The following IGSF9 variants were observed in gnomAD, a reference collection of about 807,000 sequenced individuals.
IGSF9 encodes protein turtle homolog A.
IGSF9 carries 87 observed loss-of-function variants against 121.7 expected under a neutral mutation model. The observed-to-expected ratio is 0.71, with a 90% confidence interval of 0.60 to 0.85. IGSF9 has a LOEUF of 0.85. Among genes scored for constraint, IGSF9 ranks in the 40% least tolerant of loss-of-function variants. The pLI is 0.00. For missense variants in IGSF9, 1,462 were observed against 1,565.3 expected (o/e 0.93, Z 1.11); for synonymous variants, 640 against 648.4 (o/e 0.99, Z 0.20).
rs768350903 is a variant in IGSF9 at position 159,930,698 on chromosome 1, G to C, written c.1807C>G (p.Pro603Ala). The change falls in exon 14 of 21, where the codon CCG (proline) becomes GCG (alanine). Residue 603 changes from proline to alanine, a missense_variant. Around this residue, in one of 3 missense-constraint regions of IGSF9, gnomAD observed 808 missense variants for 815.2 expected, o/e 0.99. Coordinates refer to ENST00000368094, the MANE Select transcript of IGSF9 (RefSeq NM_001135050.2). ...GGGACGAGAAGCTTCTCACCTTCCG[G>C]AGCAGACAAGACGATTTCGCTGAAG... is the stretch of plus-strand genomic sequence containing the variant. ...GPFSEIVLSA[P>A]EGLPTTPAAP... is the part of the protein sequence containing the mutation. 1.4e-5 allele frequency: 23 copies of C among 1,614,024 alleles called. No homozygotes were observed. In the South Asian group the frequency reaches 2.3e-4, roughly 16 times the overall value.
chr1:159,937,034 T>G, intron 4 of IGSF9, 126 bp from the exon 5 acceptor site: 1 of 931,964 alleles, frequency 1.1e-6, no homozygotes. Context: ...CTCATAGGAG[T>G]CCTCAGCCCA....
chr1:159,928,221 C>G lies in IGSF9; in HGVS notation c.3167G>C (p.Ser1056Thr). 1 of 1,613,002 alleles carries G rather than the reference C, an allele frequency of 6.2e-7. No homozygotes were observed. The highest frequency in any genetic ancestry group is 8.5e-7 in the Non-Finnish European group (1 of 1,179,906). The change falls in exon 19 of 21, where the codon AGC becomes ACC. Residue 1056 changes from serine (S) to threonine (T), a missense_variant. Physicochemically the swap from Ser to Thr is moderately conservative, Grantham distance 58. This residue lies in a region of IGSF9 where 808 missense variants were observed against 815.2 expected (regional missense o/e 0.99). Transcript: ENST00000368094. ...TCTCTCAGGGCCACTGGCCCAGCTG[C>G]TGGTGTCTCCTGGAGCAGGGCTGAG... The part of the protein sequence containing the change: ...SYLSPAPGDT[S>T]SWASGPERWP...
intron 6 of IGSF9, 104 bp downstream of exon 6, chr1:159,936,295 C>T: frequency 2.0e-6 from 2 of 1,024,482 alleles, no homozygotes; most frequent in Non-Finnish European, 3.0e-6. Flanking sequence ...GCCCTGCCCT[C>T]AGGCACAAAT....
intron 9 of IGSF9, chr1:159,933,237 C>A (rs1421929966): frequency 6.5e-6 from 1 of 152,826 alleles, no homozygotes; most frequent in Non-Finnish European, 1.5e-5. Context: ...TGTCCAGTAT[C>A]TCCCGCTACA....
At chr1:159,929,487 C>T in intron 17 of IGSF9, 94 bp from the exon 18 acceptor site, 1 of 1,529,924 alleles carries the variant, frequency 6.5e-7, no homozygotes, top group East Asian at 2.3e-5. Context: ...CCAACCCCAT[C>T]CGGCTGGGAA....
chr1:159,928,666 G>T lies in IGSF9; in HGVS notation c.2722C>A (p.Pro908Thr), dbSNP rs567336037. ...GGACTGGGTGGGGCTGCTGGAGGGG[G>T]TGCCACAGGGCTGATGTCTTCAATG... Reference protein sequence around the residue: ...LCIEDISPVAPPPAAPPSPLP... With the variant: ...LCIEDISPVATPPAAPPSPLP... Residue 908 changes from proline (P) to threonine (T), a missense_variant, in exon 19 of 21, where the codon CCC becomes ACC. Around this residue, in one of 3 missense-constraint regions of IGSF9, gnomAD observed 808 missense variants for 815.2 expected, o/e 0.99. Transcript: ENST00000368094. 1.9e-5 allele frequency: 28 copies of T among 1,477,592 alleles called. No individual in the cohort carries two copies. In the South Asian group the frequency reaches 3.8e-4, roughly 20 times the overall value. 91.5% of individuals were successfully genotyped at this position (1,477,592 alleles called of 1,614,324 possible). A position where few individuals can be genotyped will look rare whatever the true frequency, so the allele number is the denominator to read the frequency against.
rs970250853 is a variant in IGSF9, at chr1:159,943,077, G to A, written c.133C>T (p.Pro45Ser). ...TGCAGGGGGGGCCGGCCGGCCGGGG[G>A]CAGCAGGTCACAGCCCAGCACCACA... ...ESVVLGCDLLPPAGRPPLHVI... is the reference protein window; with the variant it reads ...ESVVLGCDLLSPAGRPPLHVI... The change falls in exon 3 of 21, where the codon CCC (proline) becomes TCC (serine). Residue 45 changes from proline (P) to serine (S), a missense_variant. Transcript: ENST00000368094. The A allele has an allele frequency of 3.7e-6, 6 of 1,612,754 alleles. No individual in the cohort carries two copies. The highest frequency in any genetic ancestry group is 1.3e-5 in the African/African-American group (1 of 74,950).
chr1:159,937,579 T>C, intron 4 of IGSF9, 107 bp downstream of exon 4: 1 of 1,319,376 alleles, frequency 7.6e-7, no homozygotes. Flanking sequence ...ATCAGAGCTG[T>C]TTGTGGGATG....
intron 3 of IGSF9, among the ~76,000 whole-genome samples, chr1:159,938,432 C>T (rs961974423): frequency 2.0e-5 from 3 of 152,216 alleles, no homozygotes; most frequent in African/African-American, 7.2e-5. Context: ...CCTCTCCATG[C>T]CCCGGGGCAC....
chr1:159,937,850 G>C lies in IGSF9; in HGVS notation c.248-12C>G. 6.2e-7 allele frequency: 1 copy of C among 1,611,624 alleles called. No individual in the cohort carries two copies. The highest frequency in any genetic ancestry group is 8.5e-7 in the Non-Finnish European group (1 of 1,178,822). ...CAGCCGGACTCGTCCTGGGGGAGGAGCCCTGAATCAAGGGTGCTGAAGGAA... is the reference window on the plus strand; with the variant it reads ...CAGCCGGACTCGTCCTGGGGGAGGACCCCTGAATCAAGGGTGCTGAAGGAA... On this transcript the variant is annotated splice_polypyrimidine_tract_variant and intron_variant, in intron 3 of 20. Transcript: ENST00000368094.
At chr1:159,929,565 C>G (rs1341692912) in intron 17 of IGSF9, 73 bp downstream of exon 17, 7 of 1,515,290 alleles carry the variant, frequency 4.6e-6, no homozygotes, top group Non-Finnish European at 5.3e-6. Flanking sequence ...GAGGGCTTTT[C>G]CCCCAGGTAG....
In IGSF9 at chr1:159,937,772, C is replaced by A; in HGVS notation, c.314G>T (p.Trp105Leu). ...IEGLRVEDQGWYECRVFFLDQ... is the reference protein window; with the variant it reads ...IEGLRVEDQGLYECRVFFLDQ... The stretch of plus-strand genomic sequence containing the variant: ...CAGGAAGAACACGCGGCACTCGTAC[C>A]AGCCCTGGTCTTCCACCCGGAGACC... The change falls in exon 4 of 21, where the codon TGG (tryptophan) becomes TTG (leucine). Residue 105 changes from tryptophan to leucine, a missense_variant. By Grantham distance (61) the Trp-to-Leu change is moderately conservative. This residue lies in a region of IGSF9 where 558 missense variants were observed against 599.4 expected (regional missense o/e 0.93). Transcript: ENST00000368094. 1 of 1,614,126 alleles carries A rather than the reference C, an allele frequency of 6.2e-7. No individual in the cohort carries two copies. Among genetic ancestry groups the A allele is most frequent in the Non-Finnish European group, 8.5e-7 (1 of 1,179,980 alleles).
chr1:159,932,827 G>A lies in IGSF9; in HGVS notation c.1105-175C>T, dbSNP rs1447040619. ...TCCAGTGCTTCCTTTCCTTCCTGCA[G>A]AGGGACCCCTCCCAATAGTGTGAGG... On this transcript the variant is annotated intron_variant, in intron 9 of 20. Transcript: ENST00000368094. This position sits in a 1 kb window ranked among gnomAD's most constrained non-coding sequence, Gnocchi z 4.1. The A allele has an allele frequency of 4.9e-6, 3 of 616,216 alleles. No homozygotes were observed. Among genetic ancestry groups the A allele is most frequent in the Admixed American group, 3.2e-5 (1 of 30,910 alleles). The allele number at this position is 616,216 out of a possible 1,614,324, so 38.2% of individuals were successfully genotyped here. A position where few individuals can be genotyped will look rare whatever the true frequency, so the allele number is the denominator to read the frequency against.
chr1:159,932,299 G>A lies in IGSF9; in HGVS notation c.1245+213C>T. 3.3e-6 allele frequency: 2 copies of A among 598,622 alleles called. No individual in the cohort carries two copies. The highest frequency in any genetic ancestry group is 5.9e-6 in the Non-Finnish European group (2 of 336,952). The allele number at this position is 598,622 out of a possible 1,614,324, so 37.1% of individuals were successfully genotyped here. ...CAAACAGGATATCTTACTTCTGGATGTGTGTGACTGATGTCCCACCTCCCG... is the reference window on the plus strand; with the variant it reads ...CAAACAGGATATCTTACTTCTGGATATGTGTGACTGATGTCCCACCTCCCG... On this transcript the variant is annotated intron_variant, in intron 10 of 20. Coordinates refer to ENST00000368094, the MANE Select transcript of IGSF9 (RefSeq NM_001135050.2). This position sits in a 1 kb window ranked among gnomAD's most constrained non-coding sequence, Gnocchi z 4.1.
intron 4 of IGSF9, among the ~76,000 whole-genome samples, chr1:159,937,307 G>T (rs918496117): frequency 6.6e-6 from 1 of 152,160 alleles, no homozygotes; most frequent in Admixed American, 6.5e-5. Flanking sequence ...TAAATAATAA[G>T]GGCTTGGGTG....
At chr1:159,936,268 C>A (rs1248869465) in intron 6 of IGSF9, 131 bp downstream of exon 6, 3 of 761,616 alleles carry the variant, frequency 3.9e-6, no homozygotes, top group African/African-American at 1.7e-5. Context: ...CATTGGGAAC[C>A]CCCTTAGCTT....
Position 159,931,163 on chromosome 1 carries a change from T to G in IGSF9, c.1612A>C (p.Arg538=). The change falls in exon 13 of 21, where the codon AGA becomes CGA. Residue 538 remains arginine, a synonymous_variant. Coordinates refer to ENST00000368094, the MANE Select transcript of IGSF9 (RefSeq NM_001135050.2). The surrounding 1 kb of genome is among the most constrained non-coding windows in gnomAD (Gnocchi z 4.8). ...AGTGGGGTGTACCAGACACTGAATCTCTGCAGATAACCACCATCAAAGCCA... is the reference window on the plus strand; with the variant it reads ...AGTGGGGTGTACCAGACACTGAATCGCTGCAGATAACCACCATCAAAGCCA... ...EPGFDGGYLQ[R]FSVWYTPLAK... The G allele has an allele frequency of 3.1e-6, 5 of 1,614,070 alleles. No homozygotes were observed. The highest frequency in any genetic ancestry group is 4.2e-6 in the Non-Finnish European group (5 of 1,179,978).
intron 9 of IGSF9, chr1:159,933,084 C>T (rs1651055817): frequency 6.3e-6 from 1 of 158,470 alleles, no homozygotes; most frequent in African/African-American, 2.4e-5. Context: ...CCTCACTCCC[C>T]CTGGTGAAAT....
intron 4 of IGSF9, 59 bp from the exon 5 acceptor site, chr1:159,936,967 C>T: frequency 6.4e-7 from 1 of 1,573,938 alleles, no homozygotes; most frequent in East Asian, 2.2e-5. Flanking sequence ...AAAGCAGTGT[C>T]CAAGGGCCAG....
Sources: gnomAD v4.1 joint callset for allele counts (sites outside exome capture counted in the v4.1 genomes callset) on GRCh38, gnomAD v4.1.1 for gene constraint, gnomAD v4.1.1 regional missense constraint, Gnocchi (gnomAD v3.1) non-coding constraint, MANE v1.5 for transcripts, NCBI Gene and HGNC (gene_info 2026-07-23, HGNC 2026-07-21) for gene names.